STK11: variants seen among roughly 807,000 people sequenced by gnomAD.
STK11 encodes serine/threonine-protein kinase STK11.
A neutral mutation model predicts 47.3 loss-of-function variants in STK11; 8 were observed. The observed-to-expected ratio is 0.17, with a 90% CI of 0.10 to 0.31. The LOEUF (loss-of-function observed/expected upper bound fraction) is 0.31, where lower values mean the gene tolerates loss of function less well. STK11 is among the 10% of genes least tolerant of loss of function. The probability of loss-of-function intolerance (pLI) is 1.00; values close to 1 mark genes in which losing one functional copy is unlikely to be tolerated. For synonymous variants in STK11, 330 were observed against 255.8 expected, an observed-to-expected ratio of 1.29 and a Z score of -2.77; for missense variants, 475 against 605.0, an observed-to-expected ratio of 0.79 and a Z score of 2.25.
In STK11 at chr19:1,225,418, C is replaced by A. The variant is rs570864390; in HGVS notation, c.1109-1036C>A. On this transcript the variant is annotated intron_variant, in intron 8 of 9. Transcript: ENST00000326873. ...CTGAGTAGCTGGGATTACAAGTGCG[C>A]GCCAGCATGCCCGGCTAATTTTTGT... 4.1e-5 allele frequency: 32 copies of A among 775,066 alleles called. 1 individual carries two copies. The South Asian group carries it at 1.7e-3, about 40-fold the overall frequency. 48.0% of individuals were successfully genotyped at this position (775,066 alleles called of 1,614,324 possible).
At chr19:1,221,717 G>A (rs1327481505) in intron 6 of STK11, 17 of 606,402 alleles carry the variant, frequency 2.8e-5, no homozygotes, top group East Asian at 8.3e-5. Flanking sequence ...GAACGGAACC[G>A]CCCTGGCCGT....
intron 1 of STK11, among the ~76,000 whole-genome samples, chr19:1,209,606 A>AT (rs2080695390): frequency 6.6e-6 from 1 of 151,930 alleles, no homozygotes; most frequent in Admixed American, 6.6e-5. Context: ...AAATAAATAA[A>AT]TAAATAAATA....
At chr19:1,220,808 G>A (rs973847965) in intron 5 of STK11, 91 bp downstream of exon 5, 19 of 1,512,792 alleles carry the variant, frequency 1.3e-5, no homozygotes, top group African/African-American at 1.1e-4. Context: ...GGCGCAGGGC[G>A]TGGCCACCGG....
chr19:1,219,134 G>C (rs1343772806), intron 2 of STK11, among the ~76,000 whole-genome samples, 190 bp from the exon 3 acceptor site: 1 of 152,154 alleles, frequency 6.6e-6, no homozygotes, highest in East Asian at 1.9e-4. Context: ...TTCCCCGTAG[G>C]CTCCTTCCTC....
rs886054215 is a variant in STK11 at position 1,206,859 on chromosome 19, C to A, written c.-55C>A. The A allele has an allele frequency of 6.6e-7, 1 of 1,521,648 alleles. No individual in the cohort carries two copies. The highest frequency in any genetic ancestry group is 8.9e-7 in the Non-Finnish European group (1 of 1,126,776). 94.3% of individuals were successfully genotyped at this position (1,521,648 alleles called of 1,614,324 possible). ...AGGGAAGTCGGAACACAAGGAAGGA[C>A]CGCTCACCCGCGGACTCAGGGCTGG... On this transcript the variant is annotated 5_prime_UTR_variant, in exon 1 of 10. Coordinates refer to ENST00000326873, the MANE Select transcript of STK11 (RefSeq NM_000455.5).
At chr19:1,222,580 G>A (rs1482947015) in intron 7 of STK11, among the ~76,000 whole-genome samples, 2 of 152,216 alleles carry the variant, frequency 1.3e-5, no homozygotes, top group Non-Finnish European at 2.9e-5. Context: ...GGTGCTGATT[G>A]TGCCTTGGGG....
At chr19:1,211,469 G>A (rs568419953) in intron 1 of STK11, among the ~76,000 whole-genome samples, 2 of 151,952 alleles carry the variant, frequency 1.3e-5, no homozygotes, top group African/African-American at 2.4e-5. Context: ...CTGGGGGGGG[G>A]GGTGCAGGCA....
chr19:1,225,804 G>A (rs1378691618), intron 8 of STK11: 9 of 985,526 alleles, frequency 9.1e-6, no homozygotes, highest in East Asian at 2.3e-4. Context: ...ACGGCTCCTC[G>A]CAGGGACAGT....
At chr19:1,208,214 T>C (rs2080682231) in intron 1 of STK11, among the ~76,000 whole-genome samples, 1 of 151,858 alleles carries the variant, frequency 6.6e-6, no homozygotes, top group Non-Finnish European at 1.5e-5. Flanking sequence ...CTGCGGTGTC[T>C]GCTCTCACCT....
Position 1,218,517 on chromosome 19 carries a change from TGGGACC to T in STK11, c.374+19_374+24del, listed in dbSNP as rs2145420922. The T allele has an allele frequency of 3.7e-6, 6 of 1,611,162 alleles. No homozygotes were observed. The African/African-American group carries it at 4.0e-5, about 11-fold the overall frequency. ...GCAGAAAATATATCCTTTCCGGTGTTGGGACCGCGGGGCCTCCGTGGGAGGGGCTGG... is the reference window on the plus strand; with the variant it reads ...GCAGAAAATATATCCTTTCCGGTGTTGCGGGGCCTCCGTGGGAGGGGCTGG... On this transcript the variant is annotated intron_variant, in intron 2 of 9. Coordinates refer to ENST00000326873, the MANE Select transcript of STK11 (RefSeq NM_000455.5).
intron 6 of STK11, 89 bp from the exon 7 acceptor site, chr19:1,221,860 C>T (rs2080786642): frequency 2.0e-6 from 3 of 1,471,774 alleles, no homozygotes; most frequent in Admixed American, 3.9e-5. Flanking sequence ...TCACCCAGGG[C>T]CTGACAACAG....
rs1555739158 is a variant in STK11, at chr19:1,222,993, G to A, written c.929G>A (p.Arg310Gln). ...CTTCTGGGCGTTTGCAGCTGGTTCC[G>A]GAAGAAACATCCTCCGGCTGAAGCA... Reference protein sequence around the residue: ...IRQIRQHSWFRKKHPPAEAPV... With the variant: ...IRQIRQHSWFQKKHPPAEAPV... The change falls in exon 8 of 10, where the codon CGG (arginine) becomes CAG (glutamine). Residue 310 changes from arginine (R) to glutamine (Q), a missense_variant. Physicochemically the swap from Arg to Gln is conservative, Grantham distance 43. Transcript: ENST00000326873. 6 of 1,555,468 alleles carry A rather than the reference G, an allele frequency of 3.9e-6. No homozygotes were observed. The highest frequency in any genetic ancestry group is 2.7e-5 in the African/African-American group (2 of 73,458).
At chr19:1,225,422 A>C (rs1295619076) in intron 8 of STK11, 2 of 778,660 alleles carry the variant, frequency 2.6e-6, no homozygotes, top group Non-Finnish European at 3.1e-6. Context: ...AGTGCGCGCC[A>C]GCATGCCCGG....
At chr19:1,226,109 C>T (rs558431885) in intron 8 of STK11, 546 of 1,130,794 alleles carry the variant, frequency 4.8e-4, no homozygotes, top group Middle Eastern at 3.9e-3. Context: ...CAGGGTGCCC[C>T]AGGGGAGCAC....
intron 1 of STK11, among the ~76,000 whole-genome samples, chr19:1,215,522 C>G (rs1052800461): frequency 6.6e-6 from 1 of 152,234 alleles, no homozygotes; most frequent in Non-Finnish European, 1.5e-5. Flanking sequence ...TCTCCTAGCC[C>G]CTCCCCAGAC....
At chr19:1,217,618 G>C (rs1253674764) in intron 1 of STK11, among the ~76,000 whole-genome samples, 1 of 152,174 alleles carries the variant, frequency 6.6e-6, no homozygotes, top group African/African-American at 2.4e-5. Context: ...GGGTGTGGCA[G>C]GACCCCACAA....
intron 1 of STK11, among the ~76,000 whole-genome samples, chr19:1,208,607 CTTTTTTTTTTTTTT>C (rs71174355): frequency 5.3e-5 from 2 of 37,780 alleles, no homozygotes; most frequent in Non-Finnish European, 8.9e-5. Context: ...CGCGTGCGGC[CTTTTTTTTTTTTTT>C]TTTTTTTTTT....
At chr19:1,207,708 C>G (rs922485929) in intron 1 of STK11, among the ~76,000 whole-genome samples, 3 of 152,208 alleles carry the variant, frequency 2.0e-5, no homozygotes, top group African/African-American at 7.2e-5. Context: ...ACTGTTTGCA[C>G]CGGCTTATCA....
chr19:1,228,120 G>C lies in STK11; in HGVS notation c.*544G>C, dbSNP rs971546289. On this transcript the variant is annotated 3_prime_UTR_variant, in exon 10 of 10. Transcript: ENST00000326873. Reference sequence around the variant, plus strand: ...AGCTGTGGCTGTGAGGGGTGTTTGGGAGCTGCTGGGTGGCAGGGGGGCTGT... The same window carrying C: ...AGCTGTGGCTGTGAGGGGTGTTTGGCAGCTGCTGGGTGGCAGGGGGGCTGT... The C allele has an allele frequency of 3.4e-5, 36 of 1,065,612 alleles. No individual in the cohort carries two copies. The highest frequency in any genetic ancestry group is 4.1e-5 in the Non-Finnish European group (36 of 879,430). The allele number at this position is 1,065,612 out of a possible 1,614,324, so 66.0% of individuals were successfully genotyped here. A position where few individuals can be genotyped will look rare whatever the true frequency, so the allele number is the denominator to read the frequency against.
Sources: gnomAD v4.1 joint callset for allele counts (sites outside exome capture counted in the v4.1 genomes callset) on GRCh38, gnomAD v4.1.1 for gene constraint, MANE v1.5 for transcripts, NCBI Gene and HGNC (gene_info 2026-07-23, HGNC 2026-07-21) for gene names.